Variants in RNF215 observed in about 807,000 individuals in gnomAD.
RNF215 encodes ring finger protein 215.
A neutral mutation model predicts 44.8 loss-of-function variants in RNF215; 41 were observed. The ratio of observed to expected loss-of-function variants is 0.92; its 90% CI spans 0.71 to 1.19. RNF215 has a LOEUF of 1.19. RNF215 is among the 50% of genes most tolerant of loss of function. The pLI is 0.00. For missense variants in RNF215, 452 were observed against 496.2 expected (o/e 0.91, Z 0.85); for synonymous variants, 218 against 230.1 (o/e 0.95, Z 0.48).
chr22:30,385,809 G>T, intron 4 of RNF215, 95 bp downstream of exon 4: 1 of 1,089,496 alleles, frequency 9.2e-7, no homozygotes, highest in Non-Finnish European at 1.4e-6. Context: ...AAGGCTAACA[G>T]GTAAGGCCCT....
intron 2 of RNF215, 23 bp from the exon 3 acceptor site, chr22:30,386,164 A>C (rs1352105994): frequency 1.3e-6 from 2 of 1,570,348 alleles, no homozygotes; most frequent in Admixed American, 3.8e-5. Flanking sequence ...AGAAGGCGAG[A>C]GGCTAGCATA....
At chr22:30,386,194 T>A in intron 2 of RNF215, 53 bp from the exon 3 acceptor site, 1 of 1,496,790 alleles carries the variant, frequency 6.7e-7, no homozygotes, top group South Asian at 1.2e-5. Context: ...TGCACACCTG[T>A]CTCACCACCT....
At chr22:30,385,421 CAAA>C (rs917390932) in intron 4 of RNF215, among the ~76,000 whole-genome samples, 2 of 52,994 alleles carry the variant, frequency 3.8e-5, no homozygotes, top group Non-Finnish European at 4.0e-5. Flanking sequence ...AACTCCATCT[CAAA>C]AAAAAAAAAA....
Position 30,380,257 on chromosome 22 carries a change from G to T in RNF215, c.864+25C>A. The stretch of plus-strand genomic sequence containing the variant: ...TGCAGGTCCAAGGGCTGAGGGTGCT[G>T]GGGCTCCCTGGGGCTGGCTCCCACC... On this transcript the variant is annotated intron_variant, in intron 6 of 8. Coordinates refer to ENST00000382363, the MANE Select transcript of RNF215 (RefSeq NM_001017981.2). This position sits in a 1 kb window ranked among gnomAD's most constrained non-coding sequence, Gnocchi z 5.3. The T allele has an allele frequency of 6.2e-7, 1 of 1,610,826 alleles. No individual in the cohort carries two copies.
chr22:30,386,593 T>G (rs1410999543), intron 2 of RNF215, 23 bp downstream of exon 2: 1 of 1,601,834 alleles, frequency 6.2e-7, no homozygotes, highest in East Asian at 2.2e-5. Flanking sequence ...TCCAGCCCCC[T>G]CCCCCATAGA....
At chr22:30,383,686 T>C (rs778645362) in intron 5 of RNF215, among the ~76,000 whole-genome samples, 43 of 152,234 alleles carry the variant, frequency 2.8e-4, no homozygotes, top group Non-Finnish European at 5.3e-4. Context: ...CCAGAGACGA[T>C]AAAACACAGT....
Position 30,379,471 on chromosome 22 carries a change from C to G in RNF215, c.*129G>C. ...GGACATGGTGGGGCCCTCATCCTTC[C>G]TCCCACCCACTGGGCTTGCTGTCCT... On this transcript the variant is annotated 3_prime_UTR_variant, in exon 9 of 9. Coordinates refer to ENST00000382363, the MANE Select transcript of RNF215 (RefSeq NM_001017981.2). 1.7e-6 allele frequency: 2 copies of G among 1,161,756 alleles called. No individual in the cohort carries two copies. Among genetic ancestry groups the G allele is most frequent in the South Asian group, 1.5e-5 (1 of 67,842 alleles). The allele number at this position is 1,161,756 out of a possible 1,614,324, so 72.0% of individuals were successfully genotyped here.
intron 5 of RNF215, among the ~76,000 whole-genome samples, chr22:30,382,535 G>A (rs1303248502): frequency 6.6e-6 from 1 of 152,124 alleles, no homozygotes; most frequent in Non-Finnish European, 1.5e-5. Context: ...ACTCCCCTGA[G>A]CCCCATGCCA....
intron 4 of RNF215, among the ~76,000 whole-genome samples, chr22:30,385,514 C>T (rs1027889936): frequency 6.6e-6 from 1 of 151,338 alleles, no homozygotes; most frequent in Non-Finnish European, 1.5e-5. Flanking sequence ...GCAGTGGCAA[C>T]GGGGGCTCCT....
In RNF215 at chr22:30,379,795, A is replaced by G; in HGVS notation, c.1027T>C (p.Cys343Arg). The G allele has an allele frequency of 1.3e-6, 2 of 1,571,124 alleles. No individual in the cohort carries two copies. Among genetic ancestry groups the G allele is most frequent in the East Asian group, 2.3e-5 (1 of 42,860 alleles). The change falls in exon 8 of 9, where the codon TGT (cysteine) becomes CGT (arginine). Residue 343 changes from cysteine to arginine, a missense_variant. Coordinates refer to ENST00000382363, the MANE Select transcript of RNF215 (RefSeq NM_001017981.2). ...CNKQWLRVLP[C>R]KHEFHRDCVD... Reference sequence around the variant, plus strand: ...CAGTCTCGGTGAAACTCGTGCTTACAGGGCAGCACCCGGAGCCACTACAGG... The same window carrying G: ...CAGTCTCGGTGAAACTCGTGCTTACGGGGCAGCACCCGGAGCCACTACAGG...
rs1933615419 is a variant in RNF215, at chr22:30,387,222, G to A, written c.92C>T (p.Pro31Leu). ...SPLLLLLPLL[P>L]LWLGLAGPGA... ...GGGCCCCGCCAGGCCCAGCCACAGC[G>A]GCAGCAGGGGCAGCAGCAGCAGCAG... The change falls in exon 1 of 9, where the codon CCG becomes CTG. Residue 31 changes from proline to leucine, a missense_variant. Coordinates refer to ENST00000382363, the MANE Select transcript of RNF215 (RefSeq NM_001017981.2). 6.0e-6 allele frequency: 6 copies of A among 995,808 alleles called. No homozygotes were observed. The highest frequency in any genetic ancestry group is 9.0e-5 in the South Asian group (2 of 22,116). 61.7% of individuals were successfully genotyped at this position (995,808 alleles called of 1,614,324 possible). A position where few individuals can be genotyped will look rare whatever the true frequency, so the allele number is the denominator to read the frequency against.
intron 5 of RNF215, among the ~76,000 whole-genome samples, chr22:30,383,544 G>A (rs185559979): frequency 1.3e-4 from 20 of 152,304 alleles, no homozygotes; most frequent in Non-Finnish European, 2.2e-4. Flanking sequence ...GCCCTGCACA[G>A]CCCACGGTGG....
Position 30,386,137 on chromosome 22 carries a change from C to T in RNF215, c.434G>A (p.Arg145Gln), listed in dbSNP as rs755240602. 63 of 1,595,036 alleles carry T rather than the reference C, an allele frequency of 3.9e-5. No homozygotes were observed. In the Admixed American group the frequency reaches 9.7e-4, roughly 25 times the overall value. ...AYPKALVQQM[R>Q]RALFLGASAL... ...AGAGGCACCCAGGAAGAGGGCCCGCCGCATCTGCAGAGGGATAGAAGGCGA... is the reference window on the plus strand; with the variant it reads ...AGAGGCACCCAGGAAGAGGGCCCGCTGCATCTGCAGAGGGATAGAAGGCGA... The change falls in exon 3 of 9, where the codon CGG becomes CAG. Residue 145 changes from arginine (R) to glutamine (Q), a missense_variant. Coordinates refer to ENST00000382363, the MANE Select transcript of RNF215 (RefSeq NM_001017981.2).
At chr22:30,382,972 C>T (rs761109928) in intron 5 of RNF215, among the ~76,000 whole-genome samples, 4 of 152,134 alleles carry the variant, frequency 2.6e-5, no homozygotes, top group Non-Finnish European at 5.9e-5. Flanking sequence ...CATGGTGGCA[C>T]GTGCCTGTAG....
rs201785934 is a variant in RNF215, at chr22:30,380,140, C to T, written c.930G>A (p.Leu310=). 1.9e-6 allele frequency: 3 copies of T among 1,613,862 alleles called. No homozygotes were observed. Among genetic ancestry groups the T allele is most frequent in the African/African-American group, 1.3e-5 (1 of 75,020 alleles). The change falls in exon 7 of 9, where the codon CTG becomes CTA. Residue 310 remains leucine, a synonymous_variant. Transcript: ENST00000382363. This position sits in a 1 kb window ranked among gnomAD's most constrained non-coding sequence, Gnocchi z 5.3. The part of the protein sequence containing the change: ...LASLKTRRCR[L]SRAAQGLPDP... ...CTGGGAGGCCCTGCGCTGCCCTGCT[C>T]AGCCGGCAGCGCCGTGTCTTGAGGG...
chr22:30,380,133 CCCTGCTCAG>C lies in RNF215; in HGVS notation c.928_936del (p.Leu310_Arg312del). ...CCCGGATCTGGGAGGCCCTGCGCTG[CCCTGCTCAG>C]CCGGCAGCGCCGTGTCTTGAGGGAT... On this transcript the variant is annotated inframe_deletion, in exon 7 of 9. Transcript: ENST00000382363. The surrounding 1 kb of genome is among the most constrained non-coding windows in gnomAD (Gnocchi z 5.3). 6.2e-7 allele frequency: 1 copy of C among 1,613,872 alleles called. No individual in the cohort carries two copies. Among genetic ancestry groups the C allele is most frequent in the South Asian group, 1.1e-5 (1 of 91,082 alleles).
In RNF215 at chr22:30,380,018, C is replaced by T. The variant is rs1176017137; in HGVS notation, c.1008+44G>A. ...AAGGTCCCAGGAGTAAGGTGGGAGG[C>T]ATCACAGGTGAGCTGATGGCTGGTC... On this transcript the variant is annotated intron_variant, in intron 7 of 8. Coordinates refer to ENST00000382363, the MANE Select transcript of RNF215 (RefSeq NM_001017981.2). The surrounding 1 kb of genome is among the most constrained non-coding windows in gnomAD (Gnocchi z 5.3). 1.2e-6 allele frequency: 2 copies of T among 1,608,850 alleles called. No individual in the cohort carries two copies. The highest frequency in any genetic ancestry group is 1.7e-6 in the Non-Finnish European group (2 of 1,176,024).
Position 30,385,851 on chromosome 22 carries a change from CA to C in RNF215, c.587+52del, listed in dbSNP as rs1392765887. 10 of 1,550,148 alleles carry C rather than the reference CA, an allele frequency of 6.5e-6. No individual in the cohort carries two copies. The East Asian group carries it at 2.2e-4, about 35-fold the overall frequency. On this transcript the variant is annotated intron_variant, in intron 4 of 8. Coordinates refer to ENST00000382363, the MANE Select transcript of RNF215 (RefSeq NM_001017981.2). ...AAGCCCCCTCAGTCCATGGGAGAAC[CA>C]GGGGCTCTCTGTACCCAGGGTCAGT...
intron 4 of RNF215, among the ~76,000 whole-genome samples, chr22:30,385,354 A>G (rs1400342660): frequency 6.6e-6 from 1 of 151,328 alleles, no homozygotes; most frequent in Admixed American, 6.6e-5. Flanking sequence ...CCCGGGAGGC[A>G]GAGCTTGCAG....
Sources: gnomAD v4.1 joint callset for allele counts (sites outside exome capture counted in the v4.1 genomes callset) on GRCh38, gnomAD v4.1.1 for gene constraint, Gnocchi (gnomAD v3.1) non-coding constraint, MANE v1.5 for transcripts, NCBI Gene and HGNC (gene_info 2026-07-23, HGNC 2026-07-21) for gene names.